Variants in PDZRN3 observed in about 807,000 individuals in gnomAD.
PDZRN3 encodes the protein PDZ domain containing ring finger 3.
PDZRN3 carries 38 observed loss-of-function variants against 85.7 expected under a neutral mutation model. That is an observed-to-expected ratio of 0.44 (90% CI 0.34 to 0.58). The LOEUF (loss-of-function observed/expected upper bound fraction) is 0.58. PDZRN3 is among the 20% of genes least tolerant of loss of function. The probability of loss-of-function intolerance (pLI) is 0.01; values close to 1 mark genes in which losing one functional copy is unlikely to be tolerated. For synonymous variants in PDZRN3, 759 were observed against 638.0 expected (o/e 1.19, Z -2.86); for missense variants, 1,629 against 1,506.4 (o/e 1.08, Z -1.35).
At chr3:73,444,272 C>G (rs527697337) in intron 3 of PDZRN3, among the ~76,000 whole-genome samples, 16 of 152,334 alleles carry the variant, frequency 1.1e-4, no homozygotes, top group Non-Finnish European at 1.9e-4. Flanking sequence ...ATTTGTCCAT[C>G]AGAATTGATC....
intron 3 of PDZRN3, among the ~76,000 whole-genome samples, chr3:73,505,211 C>T (rs1704048614): frequency 6.6e-6 from 1 of 152,188 alleles, no homozygotes; most frequent in Admixed American, 6.5e-5. Flanking sequence ...TTTTATGTAA[C>T]TGGTTACCCA....
At chr3:73,545,205 TG>T (rs1383093399) in intron 3 of PDZRN3, among the ~76,000 whole-genome samples, 15 of 152,256 alleles carry the variant, frequency 9.9e-5, no homozygotes, top group Non-Finnish European at 1.8e-4. Context: ...CCACGACGGA[TG>T]GTGCTGAATT....
At chr3:73,565,329 T>TTGTA in intron 3 of PDZRN3, among the ~76,000 whole-genome samples, 1 of 151,924 alleles carries the variant, frequency 6.6e-6, no homozygotes, top group South Asian at 2.1e-4. Context: ...GGGGTTTCAC[T>TTGTA]ATTTTGGCCA....
Position 73,613,539 on chromosome 3 carries a change from A to G in PDZRN3, c.724-4855T>C, listed in dbSNP as rs1229752113. On this transcript the variant is annotated intron_variant, in intron 1 of 9. Transcript: ENST00000263666. ...ACTACAGACTGCTCCAAGTTCTACC[A>G]TATCAGTGGGTCTCGATGGATTGGT... Among the ~76,000 whole-genome samples the G allele has an allele frequency of 6.6e-5, 10 of 152,242 alleles. No homozygotes were observed. In the East Asian group the frequency reaches 1.7e-3, roughly 26 times the overall value.
intron 3 of PDZRN3, among the ~76,000 whole-genome samples, chr3:73,501,504 G>A (rs751468977): frequency 1.3e-5 from 2 of 152,110 alleles, no homozygotes; most frequent in African/African-American, 2.4e-5. Flanking sequence ...CTAACGATTC[G>A]ACTGTCAGTC....
At chr3:73,550,239 C>T (rs1343904733) in intron 3 of PDZRN3, among the ~76,000 whole-genome samples, 1 of 152,158 alleles carries the variant, frequency 6.6e-6, no homozygotes, top group Non-Finnish European at 1.5e-5. Flanking sequence ...AGTCTCGCCG[C>T]CACCCCTCAA....
At position 73,463,177 on chromosome 3, in the gene PDZRN3, G is replaced by A. The variant is rs140637813; in HGVS notation, c.919-58782C>T. Reference sequence around the variant, plus strand: ...CCAAATTCCTGCTTTCCCAGGGCTCGCTGCATTGTGACTTCAACCAAGGCC... The same window carrying A: ...CCAAATTCCTGCTTTCCCAGGGCTCACTGCATTGTGACTTCAACCAAGGCC... On this transcript the variant is annotated intron_variant, in intron 3 of 9. Coordinates refer to ENST00000263666, the MANE Select transcript of PDZRN3 (RefSeq NM_015009.3). Among the ~76,000 whole-genome samples, 370 of 152,268 alleles carry A rather than the reference G, an allele frequency of 2.4e-3. 2 individuals carry two copies. The highest frequency in any genetic ancestry group is 7.9e-3 in the African/African-American group (329 of 41,546).
At chr3:73,507,779 C>T (rs1478842545) in intron 3 of PDZRN3, among the ~76,000 whole-genome samples, 1 of 152,126 alleles carries the variant, frequency 6.6e-6, no homozygotes, top group Non-Finnish European at 1.5e-5. Flanking sequence ...AATTGTAAGT[C>T]AGACTCGCTA....
intron 3 of PDZRN3, among the ~76,000 whole-genome samples, chr3:73,487,644 T>C (rs1703689348): frequency 1.3e-5 from 2 of 152,210 alleles, no homozygotes; most frequent in African/African-American, 4.8e-5. Flanking sequence ...CCCCCATAAA[T>C]TTGGGACAGA....
chr3:73,402,681 A>G (rs558208969), intron 4 of PDZRN3, among the ~76,000 whole-genome samples: 3 of 152,328 alleles, frequency 2.0e-5, no homozygotes, highest in South Asian at 4.1e-4. Context: ...ACTAAGACCA[A>G]GGGATGAAGG....
intron 3 of PDZRN3, among the ~76,000 whole-genome samples, chr3:73,599,958 A>C (rs2077706542): frequency 6.6e-6 from 1 of 152,246 alleles, no homozygotes; most frequent in Admixed American, 6.5e-5. Flanking sequence ...CAGCCTATAT[A>C]TTTTTACAAT....
Position 73,384,940 on chromosome 3 carries a change from C to T in PDZRN3, c.1636-10G>A. On this transcript the variant is annotated splice_polypyrimidine_tract_variant and intron_variant, in intron 9 of 9. Transcript: ENST00000263666. ...CTTCGTCGTGCTTCTTCTGCATAAA[C>T]ACAAGAACAAAGGGTCACAGTGAGG... is the stretch of plus-strand genomic sequence containing the variant. 1 of 1,582,012 alleles carries T rather than the reference C, an allele frequency of 6.3e-7. No homozygotes were observed. Among genetic ancestry groups the T allele is most frequent in the Middle Eastern group, 1.7e-4 (1 of 5,890 alleles).
chr3:73,591,064 A>G (rs772698863), intron 3 of PDZRN3, among the ~76,000 whole-genome samples: 3 of 152,156 alleles, frequency 2.0e-5, no homozygotes, highest in Non-Finnish European at 4.4e-5. Context: ...TTCTATATTC[A>G]TCTTTATGTC....
chr3:73,532,357 A>G lies in PDZRN3; in HGVS notation c.918+69997T>C, dbSNP rs542657946. Among the ~76,000 whole-genome samples, 6 of 152,316 alleles carry G rather than the reference A, an allele frequency of 3.9e-5. No individual in the cohort carries two copies. The South Asian group carries it at 1.2e-3, about 32-fold the overall frequency. On this transcript the variant is annotated intron_variant, in intron 3 of 9. Coordinates refer to ENST00000263666, the MANE Select transcript of PDZRN3 (RefSeq NM_015009.3). ...TTCAATAAAACTCTTCTTTGATGAC[A>G]TTCAGCTCAAGCCTACCAACTGCGG...
intron 3 of PDZRN3, among the ~76,000 whole-genome samples, chr3:73,597,988 C>T (rs1575757315): frequency 1.3e-5 from 2 of 151,988 alleles, no homozygotes; most frequent in Admixed American, 6.6e-5. Flanking sequence ...ATGTTCTCCA[C>T]GTGTCACATC....
chr3:73,412,989 T>G (rs1416113167), intron 3 of PDZRN3, among the ~76,000 whole-genome samples: 1 of 152,206 alleles, frequency 6.6e-6, no homozygotes, highest in Admixed American at 6.5e-5. Context: ...AATTACTCCA[T>G]CTCTGTGTGC....
Position 73,384,021 on chromosome 3 carries a change from G to T in PDZRN3, c.2545C>A (p.Pro849Thr), listed in dbSNP as rs1227132895. Residue 849 changes from proline (P) to threonine (T), a missense_variant, in exon 10 of 10, where the codon CCC (proline) becomes ACC (threonine). Pro to Thr is a conservative substitution (Grantham distance 38). Coordinates refer to ENST00000263666, the MANE Select transcript of PDZRN3 (RefSeq NM_015009.3). ...ERRASDGSRS[P>T]TPSQKLGSAY... The stretch of plus-strand genomic sequence containing the variant: ...CTGCCCAGCTTCTGGCTGGGCGTGG[G>T]GCTCCGGCTCCCGTCGCTGGCTCTC... 6.2e-5 allele frequency: 98 copies of T among 1,590,750 alleles called. No individual in the cohort carries two copies. Among genetic ancestry groups the T allele is most frequent in the Non-Finnish European group, 8.2e-5 (96 of 1,170,330 alleles).
At chr3:73,593,717 C>T (rs1471833318) in intron 3 of PDZRN3, among the ~76,000 whole-genome samples, 221 of 103,266 alleles carry the variant, frequency 2.1e-3, no homozygotes, top group Non-Finnish European at 4.0e-3. Flanking sequence ...TATACACACA[C>T]ACACACACAC....
chr3:73,623,616 G>C (rs1481787631), intron 1 of PDZRN3: 1 of 152,574 alleles, frequency 6.6e-6, no homozygotes, highest in Non-Finnish European at 1.5e-5. Context: ...CACTGGCTGT[G>C]GGTTCCCTTT....
Sources: gnomAD v4.1 joint callset for allele counts (sites outside exome capture counted in the v4.1 genomes callset) on GRCh38, gnomAD v4.1.1 for gene constraint, MANE v1.5 for transcripts, NCBI Gene and HGNC (gene_info 2026-07-23, HGNC 2026-07-21) for gene names.